The following DPYD variants were observed in gnomAD, a reference collection of about 807,000 sequenced individuals.
DPYD encodes the protein dihydropyrimidine dehydrogenase, also known as dihydropyrimidine dehydrogenase [NADP(+)].
Under a neutral mutation model 116.2 loss-of-function variants are expected in DPYD, and 109 were observed. The ratio of observed to expected loss-of-function variants is 0.94; its 90% CI spans 0.80 to 1.10. The LOEUF (loss-of-function observed/expected upper bound fraction) is 1.10. Among genes scored for constraint, DPYD ranks in the 50% least tolerant of loss-of-function variants. The probability of loss-of-function intolerance (pLI) is 0.00; values close to 1 mark genes in which losing one functional copy is unlikely to be tolerated. For synonymous variants in DPYD, 440 were observed against 432.0 expected (o/e 1.02, Z -0.23); for missense variants, 1,302 against 1,254.5 (o/e 1.04, Z -0.57).
intron 14 of DPYD, among the ~76,000 whole-genome samples, chr1:97,405,817 C>T (rs987120783): frequency 7.9e-5 from 12 of 152,084 alleles, no homozygotes; most frequent in Admixed American, 7.2e-4. Context: ...GTGCCTGGCC[C>T]TCTTAATACT....
intron 10 of DPYD, among the ~76,000 whole-genome samples, chr1:97,581,839 G>C (rs1463779592): frequency 6.6e-6 from 1 of 151,846 alleles, no homozygotes; most frequent in Non-Finnish European, 1.5e-5. Context: ...CACTGGAAAG[G>C]AATTAGTTAC....
At chr1:97,666,993 G>T (rs908878737) in intron 8 of DPYD, among the ~76,000 whole-genome samples, 4 of 152,032 alleles carry the variant, frequency 2.6e-5, no homozygotes, top group Non-Finnish European at 5.9e-5. Flanking sequence ...GAGCAAATCC[G>T]CCCTGCTACT....
At chr1:97,685,444 AT>A (rs1469191740) in intron 7 of DPYD, among the ~76,000 whole-genome samples, 4 of 152,160 alleles carry the variant, frequency 2.6e-5, no homozygotes, top group Non-Finnish European at 5.9e-5. Context: ...AGACAAGGAT[AT>A]CCTCTCTCAC....
intron 4 of DPYD, among the ~76,000 whole-genome samples, chr1:97,729,224 G>A (rs1418264100): frequency 6.6e-6 from 1 of 151,914 alleles, no homozygotes; most frequent in Non-Finnish European, 1.5e-5. Context: ...ATACACACAC[G>A]TACACGAGCT....
intron 8 of DPYD, among the ~76,000 whole-genome samples, chr1:97,617,932 C>T (rs1434028159): frequency 2.0e-5 from 3 of 152,182 alleles, no homozygotes; most frequent in African/African-American, 4.8e-5. Context: ...AAGCTGCCTT[C>T]TCTTTTAAAA....
intron 19 of DPYD, among the ~76,000 whole-genome samples, chr1:97,217,860 G>A (rs1382233080): frequency 1.3e-5 from 2 of 152,146 alleles, no homozygotes; most frequent in Non-Finnish European, 2.9e-5. Context: ...GCAGGAGGGA[G>A]ATACTCGGAG....
At chr1:97,274,365 A>G (rs967816371) in intron 18 of DPYD, among the ~76,000 whole-genome samples, 3 of 152,082 alleles carry the variant, frequency 2.0e-5, no homozygotes, top group African/African-American at 7.2e-5. Flanking sequence ...CGCTTGTTTA[A>G]AAGAGCCTGG....
chr1:97,253,038 T>C (rs1241106755), intron 18 of DPYD, among the ~76,000 whole-genome samples: 2 of 152,194 alleles, frequency 1.3e-5, no homozygotes, highest in African/African-American at 4.8e-5. Context: ...AAATGATGTA[T>C]TTCCCATATC....
intron 6 of DPYD, among the ~76,000 whole-genome samples, chr1:97,694,792 G>A (rs981273954): frequency 6.6e-6 from 1 of 152,086 alleles, no homozygotes; most frequent in African/African-American, 2.4e-5. Flanking sequence ...TTATTTTCAT[G>A]AGCTAGCAAT....
At chr1:97,327,441 T>TA (rs908766304) in intron 16 of DPYD, among the ~76,000 whole-genome samples, 3 of 151,764 alleles carry the variant, frequency 2.0e-5, no homozygotes, top group Non-Finnish European at 4.4e-5. Context: ...TTCCTGATTA[T>TA]AAAAAAAGTT....
At chr1:97,672,063 T>C (rs980138692) in intron 8 of DPYD, among the ~76,000 whole-genome samples, 1 of 151,402 alleles carries the variant, frequency 6.6e-6, no homozygotes, top group Non-Finnish European at 1.5e-5. Flanking sequence ...AATCAAACTA[T>C]TTAGGAATCA....
Position 97,274,021 on chromosome 1 carries a change from T to A in DPYD, c.2299+31238A>T, listed in dbSNP as rs188268492. Among the ~76,000 whole-genome samples the A allele has an allele frequency of 1.9e-4, 29 of 152,304 alleles. No homozygotes were observed. The East Asian group carries it at 3.5e-3, about 18-fold the overall frequency. ...TCTAAATTATTATCATCACAGCCTG[T>A]GAATTATTCTTTGATGCCTATTGTG... is the stretch of plus-strand genomic sequence containing the variant. On this transcript the variant is annotated intron_variant, in intron 18 of 22. Transcript: ENST00000370192.
At chr1:97,898,319 C>T (rs1673184859) in intron 1 of DPYD, among the ~76,000 whole-genome samples, 1 of 151,826 alleles carries the variant, frequency 6.6e-6, no homozygotes, top group African/African-American at 2.4e-5. Flanking sequence ...GCAGCTCTAG[C>T]CTCTCTGTTG....
chr1:97,438,551 A>G (rs768182266), intron 14 of DPYD, among the ~76,000 whole-genome samples: 16 of 152,002 alleles, frequency 1.1e-4, no homozygotes, highest in Non-Finnish European at 2.2e-4. Flanking sequence ...TTACAAGCCA[A>G]TCTTATATCC....
Position 97,309,539 on chromosome 1 carries a change from AG to A in DPYD, c.2059-3243del, listed in dbSNP as rs1176664106. On this transcript the variant is annotated intron_variant, in intron 16 of 22. Coordinates refer to ENST00000370192, the MANE Select transcript of DPYD (RefSeq NM_000110.4). ...ATCTAGGGAGCAAATGGTGGTCTTGAGGATACTACATAAAGTGAAGGTACCA... is the reference window on the plus strand; with the variant it reads ...ATCTAGGGAGCAAATGGTGGTCTTGAGATACTACATAAAGTGAAGGTACCA... Among the ~76,000 whole-genome samples, 6 of 151,946 alleles carry A rather than the reference AG, an allele frequency of 3.9e-5. No individual in the cohort carries two copies. The East Asian group carries it at 1.2e-3, about 30-fold the overall frequency.
At chr1:97,527,141 T>C (rs1278152090) in intron 12 of DPYD, among the ~76,000 whole-genome samples, 4 of 151,602 alleles carry the variant, frequency 2.6e-5, no homozygotes, top group Admixed American at 1.3e-4. Context: ...TGCAGTGGCG[T>C]GATCTCGGCT....
At chr1:97,887,896 T>C (rs1283109795) in intron 1 of DPYD, among the ~76,000 whole-genome samples, 2 of 152,064 alleles carry the variant, frequency 1.3e-5, no homozygotes, top group African/African-American at 4.8e-5. Flanking sequence ...CTTTTCCGTC[T>C]TTGCTAAGCA....
At chr1:97,834,550 C>T (rs1002677957) in intron 2 of DPYD, among the ~76,000 whole-genome samples, 2 of 151,932 alleles carry the variant, frequency 1.3e-5, no homozygotes, top group African/African-American at 4.8e-5. Context: ...GAAACCACCA[C>T]TCTTATGAAG....
intron 18 of DPYD, among the ~76,000 whole-genome samples, chr1:97,257,157 T>C (rs1663535241): frequency 6.6e-6 from 1 of 151,786 alleles, no homozygotes. Flanking sequence ...ACTAAATTAT[T>C]ATAAAATTAT....
Sources: gnomAD v4.1 joint callset for allele counts (sites outside exome capture counted in the v4.1 genomes callset) on GRCh38, gnomAD v4.1.1 for gene constraint, MANE v1.5 for transcripts, NCBI Gene and HGNC (gene_info 2026-07-23, HGNC 2026-07-21) for gene names.